Variants in RESF1 observed in about 807,000 individuals in gnomAD.
The protein encoded by RESF1 is retroelement silencing factor 1.
In RESF1, 65 loss-of-function variants were observed where a neutral mutation model predicts 134.7. The ratio of observed to expected loss-of-function variants is 0.48; its 90% CI spans 0.40 to 0.59. The LOEUF is 0.59. Among genes scored for constraint, RESF1 ranks in the 20% least tolerant of loss-of-function variants. RESF1 has a pLI of 0.00. For synonymous variants in RESF1, 762 were observed against 702.2 expected (o/e 1.09, Z -1.35); for missense variants, 2,274 against 2,002.7 (o/e 1.14, Z -2.59).
At chr12:31,987,669 G>A (rs1940005606) in intron 5 of RESF1, among the ~76,000 whole-genome samples, 2 of 152,118 alleles carry the variant, frequency 1.3e-5, no homozygotes, top group African/African-American at 4.8e-5. Flanking sequence ...CTGTTTCAGG[G>A]AAATGGCTGC....
chr12:31,969,678 G>A (rs1040949158), intron 2 of RESF1, among the ~76,000 whole-genome samples: 3 of 152,046 alleles, frequency 2.0e-5, no homozygotes, highest in Admixed American at 6.6e-5. Context: ...TTGCTCTGTC[G>A]CACAGTCTGG....
chr12:31,977,042 T>G (rs1364187252), intron 3 of RESF1, among the ~76,000 whole-genome samples: 1 of 152,174 alleles, frequency 6.6e-6, no homozygotes, highest in Non-Finnish European at 1.5e-5. Flanking sequence ...GAGAGTGACT[T>G]TACTTTTTCA....
intron 5 of RESF1, among the ~76,000 whole-genome samples, chr12:31,988,030 T>G (rs1354415352): frequency 6.6e-6 from 1 of 152,168 alleles, no homozygotes. Flanking sequence ...ACACCGTGCC[T>G]GGCCTCTAAT....
intron 3 of RESF1, among the ~76,000 whole-genome samples, chr12:31,971,503 G>T (rs73294846): frequency 2.0e-5 from 3 of 152,132 alleles, no homozygotes; most frequent in African/African-American, 7.2e-5. Flanking sequence ...CTTTCAGTCT[G>T]TGTTTTTGGA....
intron 4 of RESF1, among the ~76,000 whole-genome samples, chr12:31,986,251 C>T (rs116952765): frequency 6.6e-6 from 1 of 152,304 alleles, no homozygotes; most frequent in East Asian, 1.9e-4. Flanking sequence ...CTGTGAAAAA[C>T]ATTCCACATT....
chr12:31,965,889 C>CAG (rs1939387838), intron 2 of RESF1, among the ~76,000 whole-genome samples: 1 of 114,054 alleles, frequency 8.8e-6, no homozygotes, highest in African/African-American at 3.3e-5. Flanking sequence ...GACTTCGTCT[C>CAG]AAAAAAAAAA....
intron 3 of RESF1, among the ~76,000 whole-genome samples, chr12:31,979,306 G>GCAA: frequency 6.6e-6 from 1 of 152,154 alleles, no homozygotes; most frequent in Non-Finnish European, 1.5e-5. Flanking sequence ...CTTGTGATTT[G>GCAA]ATTCAGTTCT....
intron 2 of RESF1, among the ~76,000 whole-genome samples, chr12:31,964,138 T>G (rs1009190781): frequency 6.6e-6 from 1 of 152,238 alleles, no homozygotes; most frequent in African/African-American, 2.4e-5. Flanking sequence ...ATTTTTTATT[T>G]AACTTTTGTT....
Position 31,982,065 on chromosome 12 carries a change from G to C in RESF1, c.1110G>C (p.Glu370Asp). The C allele has an allele frequency of 6.2e-7, 1 of 1,614,080 alleles. No homozygotes were observed. Among genetic ancestry groups the C allele is most frequent in the Non-Finnish European group, 8.5e-7 (1 of 1,180,024 alleles). Reference sequence around the variant, plus strand: ...AGACTCTTGCTCAAACTAATGAAGAGAAAATAATGGATTCTTGCAATCCAA... The same window carrying C: ...AGACTCTTGCTCAAACTAATGAAGACAAAATAATGGATTCTTGCAATCCAA... Reference protein sequence around the residue: ...GVQTLAQTNEEKIMDSCNPTS... With the variant: ...GVQTLAQTNEDKIMDSCNPTS... The change falls in exon 4 of 6, where the codon GAG becomes GAC. Residue 370 changes from glutamate (E) to aspartate (D), a missense_variant. Physicochemically the swap from Glu to Asp is conservative, Grantham distance 45. Transcript: ENST00000312561.
intron 2 of RESF1, among the ~76,000 whole-genome samples, chr12:31,969,105 T>A (rs1939456918): frequency 6.6e-6 from 1 of 152,180 alleles, no homozygotes; most frequent in Non-Finnish European, 1.5e-5. Context: ...CACGCCTAGC[T>A]AGTGTTTCTA....
chr12:31,963,322 A>G (rs887520424), intron 2 of RESF1, among the ~76,000 whole-genome samples: 11 of 151,322 alleles, frequency 7.3e-5, no homozygotes, highest in Non-Finnish European at 1.3e-4. Flanking sequence ...TCCAGCCTGG[A>G]CGACAGAGCG....
chr12:31,979,101 T>C (rs1939709390), intron 3 of RESF1, among the ~76,000 whole-genome samples: 1 of 151,482 alleles, frequency 6.6e-6, no homozygotes, highest in Non-Finnish European at 1.5e-5. Context: ...TTTGTATTTT[T>C]AGTAGAGACG....
rs751879546 is a variant in RESF1 at position 31,985,965 on chromosome 12, A to G, written c.5002+8A>G. Reference sequence around the variant, plus strand: ...AGCAAGCCCCTCTGCAAGGTCCAGTATGATTTTCTTGGTGGTGTCTACAAT... The same window carrying G: ...AGCAAGCCCCTCTGCAAGGTCCAGTGTGATTTTCTTGGTGGTGTCTACAAT... On this transcript the variant is annotated splice_region_variant and intron_variant, in intron 4 of 5. Transcript: ENST00000312561. 5.5e-6 allele frequency: 8 copies of G among 1,462,014 alleles called. No individual in the cohort carries two copies. Among genetic ancestry groups the G allele is most frequent in the African/African-American group, 4.3e-5 (3 of 69,062 alleles). The allele number at this position is 1,462,014 out of a possible 1,614,324, so 90.6% of individuals were successfully genotyped here.
Position 31,984,971 on chromosome 12 carries a change from C to T in RESF1, c.4016C>T (p.Ala1339Val), listed in dbSNP as rs752243908. The change falls in exon 4 of 6, where the codon GCT becomes GTT. Residue 1339 changes from alanine to valine, a missense_variant. Coordinates refer to ENST00000312561, the MANE Select transcript of RESF1 (RefSeq NM_018169.4). ...TCACGTCCACTAAAAACAAAAACAG[C>T]TTTTTTGCCAAATAAAGATGTGTAT... ...QNSRPLKTKT[A>V]FLPNKDVYKK... 5.0e-6 allele frequency: 8 copies of T among 1,612,802 alleles called. No homozygotes were observed. The Admixed American group carries it at 8.4e-5, about 17-fold the overall frequency.
At chr12:31,972,481 C>T (rs535378277) in intron 3 of RESF1, among the ~76,000 whole-genome samples, 5 of 151,838 alleles carry the variant, frequency 3.3e-5, no homozygotes, top group South Asian at 2.1e-4. Context: ...TGGTGGGCAC[C>T]GGTAGTTCCA....
In RESF1 at chr12:31,984,714, C is replaced by T. The variant is rs150095870; in HGVS notation, c.3759C>T (p.Asp1253=). 92 of 1,600,480 alleles carry T rather than the reference C, an allele frequency of 5.7e-5. 1 individual carries two copies. The highest frequency in any genetic ancestry group is 2.8e-4 in the South Asian group (25 of 87,956). The change falls in exon 4 of 6, where the codon GAC becomes GAT. Residue 1253 remains aspartate (D), a synonymous_variant. Coordinates refer to ENST00000312561, the MANE Select transcript of RESF1 (RefSeq NM_018169.4). ...AAAGTCATTTTCCTGAACTACAAGACGACAGTAGAAAAGATACACCCAAAA... is the reference window on the plus strand; with the variant it reads ...AAAGTCATTTTCCTGAACTACAAGATGACAGTAGAAAAGATACACCCAAAA... ...DGKSHFPELQ[D]DSRKDTPKTK...
chr12:31,959,558 A>G (rs891871503), intron 1 of RESF1, 67 bp downstream of exon 1: 1 of 152,228 alleles, frequency 6.6e-6, no homozygotes, highest in African/African-American at 2.4e-5. Context: ...GGGGGCCGGG[A>G]GCCGGGAGCC....
At chr12:31,992,240 A>C in intron 5 of RESF1, 138 bp from the exon 6 acceptor site, 1 of 719,172 alleles carries the variant, frequency 1.4e-6, no homozygotes, top group South Asian at 1.8e-5. Context: ...GTGAAGAGCT[A>C]TGGTTCTGAA....
rs1939476885 is a variant in RESF1 at position 31,970,262 on chromosome 12, T to C, written c.-173T>C. ...CACAACTTCAAGAATACTTGGACTA[T>C]TGGATTCAATCCATAGTAATCTGCA... is the stretch of plus-strand genomic sequence containing the variant. On this transcript the variant is annotated 5_prime_UTR_variant, in exon 3 of 6. Transcript: ENST00000312561. The C allele has an allele frequency of 1.3e-5, 2 of 152,240 alleles. No homozygotes were observed. Among genetic ancestry groups the C allele is most frequent in the Non-Finnish European group, 2.9e-5 (2 of 68,032 alleles). 9.4% of individuals were successfully genotyped at this position (152,240 alleles called of 1,614,324 possible).
Sources: allele counts gnomAD v4.1 joint callset (sites outside exome capture counted in the v4.1 genomes callset), GRCh38; gene constraint gnomAD v4.1.1; transcripts MANE v1.5; gene names NCBI Gene and HGNC (gene_info 2026-07-23, HGNC 2026-07-21).